Variants in COMMD9 observed in about 807,000 individuals in gnomAD.
COMMD9 encodes COMM domain containing 9, also known as COMM domain-containing protein 9.
In COMMD9, 22 loss-of-function variants were observed where a neutral mutation model predicts 23.4. That is an observed-to-expected ratio of 0.94 (90% CI 0.67 to 1.34). COMMD9 has a LOEUF of 1.34. Among genes scored for constraint, COMMD9 ranks in the 40% most tolerant of loss-of-function variants. The pLI, the probability that COMMD9 is intolerant of heterozygous loss-of-function variation, is 0.00. For missense variants in COMMD9, 231 were observed against 240.2 expected (o/e 0.96, Z 0.25); for synonymous variants, 99 against 97.4 (o/e 1.02, Z -0.10).
chr11:36,276,958 A>G, intron 4 of COMMD9, 131 bp downstream of exon 4: 1 of 604,702 alleles, frequency 1.7e-6, no homozygotes, highest in Non-Finnish European at 2.6e-6. Context: ...AAAACCCACC[A>G]TACACAGAGT....
Position 36,277,231 on chromosome 11 carries a change from C to G in COMMD9, c.318-108G>C. The G allele has an allele frequency of 6.1e-6, 4 of 654,822 alleles. No homozygotes were observed. The South Asian group carries it at 9.3e-5, about 15-fold the overall frequency. 40.6% of individuals were successfully genotyped at this position (654,822 alleles called of 1,614,324 possible). A position where few individuals can be genotyped will look rare whatever the true frequency, so the allele number is the denominator to read the frequency against. On this transcript the variant is annotated intron_variant, in intron 3 of 5. Transcript: ENST00000263401. ...CCTGTGATCTTCAGACCTGTCATCA[C>G]CTGCTAACAGGAAAGGACCACAGAA...
At chr11:36,278,393 G>T in intron 3 of COMMD9, 84 bp downstream of exon 3, 2 of 1,273,422 alleles carry the variant, frequency 1.6e-6, no homozygotes, top group Non-Finnish European at 1.1e-6. Flanking sequence ...TTTCAACAAT[G>T]AGCATATTAC....
chr11:36,278,047 C>T (rs1856004010), intron 3 of COMMD9, among the ~76,000 whole-genome samples: 1 of 152,116 alleles, frequency 6.6e-6, no homozygotes, highest in Non-Finnish European at 1.5e-5. Flanking sequence ...TGAAAAAATG[C>T]CAACAGCCTC....
At chr11:36,278,725 G>T in intron 2 of COMMD9, 109 bp from the exon 3 acceptor site, 1 of 1,065,900 alleles carries the variant, frequency 9.4e-7, no homozygotes, top group Non-Finnish European at 1.3e-6. Context: ...CACTGCTATG[G>T]TCATTCAACT....
chr11:36,278,154 G>C (rs10836525), intron 3 of COMMD9: 23,200 of 227,120 alleles, frequency 0.1, 1,537 homozygotes, highest in East Asian at 0.2. Context: ...AAACATTGAC[G>C]TGAAATTTCA....
intron 3 of COMMD9, 62 bp downstream of exon 3, chr11:36,278,415 T>C (rs1395989255): frequency 6.8e-7 from 1 of 1,469,210 alleles, no homozygotes; most frequent in Admixed American, 1.8e-5. Flanking sequence ...ACTTCTAGAA[T>C]GAGAATAAAA....
chr11:36,278,735 T>G, intron 2 of COMMD9, 119 bp from the exon 3 acceptor site: 1 of 997,682 alleles, frequency 1.0e-6, no homozygotes, highest in Non-Finnish European at 1.4e-6. Flanking sequence ...GTCATTCAAC[T>G]GAGTCACAAG....
Position 36,273,972 on chromosome 11 carries a change from C to G in COMMD9, c.*660G>C, listed in dbSNP as rs1424963375. On this transcript the variant is annotated 3_prime_UTR_variant, in exon 6 of 6. Coordinates refer to ENST00000263401, the MANE Select transcript of COMMD9 (RefSeq NM_014186.4). Reference sequence around the variant, plus strand: ...TACAAAAATCATGGAAGTTTTAGAACTGTTGTTTAGTTCCAATTATTCCCA... The same window carrying G: ...TACAAAAATCATGGAAGTTTTAGAAGTGTTGTTTAGTTCCAATTATTCCCA... 11 of 193,974 alleles carry G rather than the reference C, an allele frequency of 5.7e-5. 1 individual carries two copies. The South Asian group carries it at 5.7e-4, about 10-fold the overall frequency. 12.0% of individuals were successfully genotyped at this position (193,974 alleles called of 1,614,324 possible).
intron 1 of COMMD9, among the ~76,000 whole-genome samples, chr11:36,287,950 G>A (rs1175168505): frequency 6.6e-6 from 1 of 152,086 alleles, no homozygotes; most frequent in Non-Finnish European, 1.5e-5. Flanking sequence ...TTTTCTGTAT[G>A]TATACTACAC....
In COMMD9 at chr11:36,287,079, T is replaced by C. The variant is rs200670695; in HGVS notation, c.51+2283A>G. Among the ~76,000 whole-genome samples the C allele has an allele frequency of 7.6e-3, 1,054 of 139,034 alleles. 218 individuals carry two copies. The highest frequency in any genetic ancestry group is 0.045 in the East Asian group (189 of 4,220). The allele number at this position is 139,034 out of a possible 152,430, so 91.2% of individuals were successfully genotyped here. On this transcript the variant is annotated intron_variant, in intron 1 of 5. Coordinates refer to ENST00000263401, the MANE Select transcript of COMMD9 (RefSeq NM_014186.4). ...ACTACATACTATGTATATCGCGTAG[T>C]ATGTATACTACATACTATGTATATC...
intron 1 of COMMD9, among the ~76,000 whole-genome samples, chr11:36,286,619 A>AACAC (rs1856163951): frequency 6.6e-6 from 1 of 151,828 alleles, no homozygotes; most frequent in Non-Finnish European, 1.5e-5. Context: ...CAAACAAACA[A>AACAC]ACCAAAAAAA....
At position 36,276,143 on chromosome 11, in the gene COMMD9, C is replaced by G. The variant is rs1451837042; in HGVS notation, c.450G>C (p.Gln150His). Residue 150 changes from glutamine to histidine, a missense_variant, in exon 5 of 6, where the codon CAG (glutamine) becomes CAC (histidine). Coordinates refer to ENST00000263401, the MANE Select transcript of COMMD9 (RefSeq NM_014186.4). ...SRMAVPTCLLQMKIQEDPSLC... is the reference protein window; with the variant it reads ...SRMAVPTCLLHMKIQEDPSLC... Reference sequence around the variant, plus strand: ...GGCATGATAGTGAATGTACCTTCATCTGGAGCAGGCAGGTGGGGACGGCCA... The same window carrying G: ...GGCATGATAGTGAATGTACCTTCATGTGGAGCAGGCAGGTGGGGACGGCCA... 3 of 1,612,398 alleles carry G rather than the reference C, an allele frequency of 1.9e-6. No homozygotes were observed. Among genetic ancestry groups the G allele is most frequent in the Admixed American group, 1.7e-5 (1 of 60,006 alleles).
chr11:36,279,123 C>A (rs1856024370), intron 2 of COMMD9, among the ~76,000 whole-genome samples: 1 of 152,158 alleles, frequency 6.6e-6, no homozygotes, highest in Non-Finnish European at 1.5e-5. Flanking sequence ...GCTTACTGAA[C>A]CGTGACACAA....
At chr11:36,278,680 G>T in intron 2 of COMMD9, 64 bp from the exon 3 acceptor site, 1 of 1,560,790 alleles carries the variant, frequency 6.4e-7, no homozygotes, top group South Asian at 1.1e-5. Flanking sequence ...CACAAGGCAG[G>T]GCCAGGGGCA....
At chr11:36,279,543 T>C (rs1326009932) in intron 2 of COMMD9, among the ~76,000 whole-genome samples, 1 of 152,216 alleles carries the variant, frequency 6.6e-6, no homozygotes, top group Non-Finnish European at 1.5e-5. Flanking sequence ...AGCCTCTCTG[T>C]TCTCCCGGGG....
intron 1 of COMMD9, among the ~76,000 whole-genome samples, chr11:36,282,879 A>C (rs1856089916): frequency 6.6e-6 from 1 of 152,210 alleles, no homozygotes; most frequent in African/African-American, 2.4e-5. Context: ...ACACCTCAGA[A>C]CCAGGGAAGC....
chr11:36,276,009 AAGG>A (rs1233677299), intron 5 of COMMD9, 125 bp downstream of exon 5: 1 of 652,560 alleles, frequency 1.5e-6, no homozygotes, highest in African/African-American at 1.8e-5. Flanking sequence ...TAACTAAACA[AAGG>A]AGGATAAAGG....
At position 36,274,478 on chromosome 11, in the gene COMMD9, A is replaced by T; in HGVS notation, c.*154T>A. The T allele has an allele frequency of 2.1e-6, 2 of 946,040 alleles. No homozygotes were observed. Among genetic ancestry groups the T allele is most frequent in the Non-Finnish European group, 1.7e-6 (1 of 592,394 alleles). 58.6% of individuals were successfully genotyped at this position (946,040 alleles called of 1,614,324 possible). ...GCGGGGGATCTGGCTGCTTCTTCCC[A>T]ATCCAACTGTAACTTCTGGATGGCA... On this transcript the variant is annotated 3_prime_UTR_variant, in exon 6 of 6. Coordinates refer to ENST00000263401, the MANE Select transcript of COMMD9 (RefSeq NM_014186.4).
chr11:36,275,721 C>T lies in COMMD9; in HGVS notation c.456+416G>A, dbSNP rs1291710049. Among the ~76,000 whole-genome samples, 5 of 152,198 alleles carry T rather than the reference C, an allele frequency of 3.3e-5. No homozygotes were observed. The South Asian group carries it at 6.2e-4, about 19-fold the overall frequency. ...CCTCCCAAAGTGCTGGGATTACAGG[C>T]GTAAGCCACTGCTCCCAGCGACTAG... is the stretch of plus-strand genomic sequence containing the variant. On this transcript the variant is annotated intron_variant, in intron 5 of 5. Transcript: ENST00000263401.
Sources: gnomAD v4.1 joint callset for allele counts (sites outside exome capture counted in the v4.1 genomes callset) on GRCh38, gnomAD v4.1.1 for gene constraint, MANE v1.5 for transcripts, NCBI Gene and HGNC (gene_info 2026-07-23, HGNC 2026-07-21) for gene names.